Variants in AGBL1 observed in about 807,000 individuals in gnomAD.
AGBL1 encodes cytosolic carboxypeptidase 4.
A neutral mutation model predicts 118.9 loss-of-function variants in AGBL1; 130 were observed. That is an observed-to-expected ratio of 1.09 (90% confidence interval 0.95 to 1.26). The LOEUF (loss-of-function observed/expected upper bound fraction) is 1.26, where lower values mean the gene tolerates loss of function less well. Among genes scored for constraint, AGBL1 ranks in the 50% most tolerant of loss-of-function variants. The probability of loss-of-function intolerance (pLI) is 0.00; values close to 1 mark genes in which losing one functional copy is unlikely to be tolerated. For synonymous variants in AGBL1, 555 were observed against 478.9 expected, an observed-to-expected ratio of 1.16 and a Z score of -2.08; for missense variants, 1,584 against 1,298.1, an observed-to-expected ratio of 1.22 and a Z score of -3.38.
At chr15:86,119,563 G>T (rs1336323788) in intron 1 of AGBL1, among the ~76,000 whole-genome samples, 1 of 152,112 alleles carries the variant, frequency 6.6e-6, no homozygotes, top group Non-Finnish European at 1.5e-5. Context: ...CATCAACTGG[G>T]GCCAGTGGGG....
intron 17 of AGBL1, among the ~76,000 whole-genome samples, chr15:86,318,696 ATTTTTTTTTTT>A (rs57988335): frequency 8.5e-5 from 7 of 81,952 alleles, no homozygotes; most frequent in African/African-American, 1.5e-4. Flanking sequence ...TTGATCATAG[ATTTTTTTTTTT>A]TTTTTTTTTT....
intron 24 of AGBL1, among the ~76,000 whole-genome samples, chr15:87,019,722 C>T (rs1424713342): frequency 6.6e-6 from 1 of 151,790 alleles, no homozygotes; most frequent in Non-Finnish European, 1.5e-5. Flanking sequence ...ACAAGAGGAC[C>T]AAGAGCAAAC....
chr15:86,250,299 C>T (rs976655833), intron 7 of AGBL1, among the ~76,000 whole-genome samples: 12 of 151,548 alleles, frequency 7.9e-5, no homozygotes, highest in East Asian at 2.0e-4. Flanking sequence ...CTGAGGCAGG[C>T]GGATCACCTG....
chr15:86,206,216 T>G (rs1432318338), intron 5 of AGBL1, among the ~76,000 whole-genome samples: 1 of 152,246 alleles, frequency 6.6e-6, no homozygotes, highest in African/African-American at 2.4e-5. Context: ...TCTATCATCA[T>G]TGGACATTTG....
chr15:86,555,187 C>T (rs1257527814), intron 21 of AGBL1, among the ~76,000 whole-genome samples: 3 of 152,168 alleles, frequency 2.0e-5, no homozygotes, highest in Non-Finnish European at 2.9e-5. Flanking sequence ...CTGCTTTTCC[C>T]ACTCCCCCAT....
intron 18 of AGBL1, among the ~76,000 whole-genome samples, chr15:86,471,503 T>G (rs988207591): frequency 6.6e-6 from 1 of 150,850 alleles, no homozygotes; most frequent in African/African-American, 2.4e-5. Context: ...CTATAGTTTT[T>G]TTTTTTTTTT....
At chr15:86,556,331 G>A (rs1472422930) in intron 21 of AGBL1, 4 of 1,497,760 alleles carry the variant, frequency 2.7e-6, no homozygotes, top group Non-Finnish European at 3.7e-6. Flanking sequence ...AATGGCTTTT[G>A]CATTGGGTCA....
intron 22 of AGBL1, among the ~76,000 whole-genome samples, chr15:86,689,647 C>T (rs1273902994): frequency 6.6e-6 from 1 of 151,954 alleles, no homozygotes; most frequent in African/African-American, 2.4e-5. Flanking sequence ...GGGATTTACA[C>T]CCATGGCATT....
chr15:86,386,882 C>A (rs533508991), intron 17 of AGBL1, among the ~76,000 whole-genome samples: 41 of 152,194 alleles, frequency 2.7e-4, no homozygotes, highest in Non-Finnish European at 4.3e-4. Context: ...AATAAATATT[C>A]TTTGAATGAA....
At chr15:87,028,361 A>AACTC (rs2081754682) in intron 24 of AGBL1, among the ~76,000 whole-genome samples, 1 of 151,982 alleles carries the variant, frequency 6.6e-6, no homozygotes, top group Non-Finnish European at 1.5e-5. Context: ...TATAGACTCA[A>AACTC]ACGTGGTTAG....
At chr15:86,264,169 C>G in intron 10 of AGBL1, 89 bp from the exon 11 acceptor site, 1 of 1,112,826 alleles carries the variant, frequency 9.0e-7, no homozygotes, top group South Asian at 1.6e-5. Context: ...ATGCTTAGCT[C>G]TGTGCCCAGA....
rs35370954 is a variant in AGBL1 at position 86,802,279 on chromosome 15, A to AT, written c.3159-104798dup. Among the ~76,000 whole-genome samples the AT allele has an allele frequency of 4.3e-3, 636 of 149,136 alleles. 1 individual carries two copies. The highest frequency in any genetic ancestry group is 0.014 in the African/African-American group (569 of 40,406). ...CCAGATGCTTTCTAATGAGGTTTTC[A>AT]TTTTTTTTTTCAGTTTTCAGTAATT... On this transcript the variant is annotated intron_variant, in intron 22 of 22. Transcript: ENST00000614907.
chr15:87,013,719 C>G (rs28510760), intron 24 of AGBL1, among the ~76,000 whole-genome samples: 1,664 of 152,170 alleles, frequency 0.011, 31 homozygotes, highest in African/African-American at 0.038. Flanking sequence ...TGAGGTTACC[C>G]GACTGAAGAA....
At chr15:86,165,372 C>G (rs1403905722) in intron 5 of AGBL1, among the ~76,000 whole-genome samples, 2 of 152,150 alleles carry the variant, frequency 1.3e-5, no homozygotes, top group African/African-American at 4.8e-5. Flanking sequence ...CTTCTCTTCT[C>G]CCTGCCCCCA....
At chr15:86,475,176 T>G (rs1042779058) in intron 18 of AGBL1, among the ~76,000 whole-genome samples, 2 of 152,006 alleles carry the variant, frequency 1.3e-5, no homozygotes, top group Non-Finnish European at 2.9e-5. Flanking sequence ...CCTCTCCCCC[T>G]CCAAAGGAAC....
chr15:86,636,704 T>C (rs1309335482), intron 21 of AGBL1, among the ~76,000 whole-genome samples: 3 of 4,692 alleles, frequency 6.4e-4, no homozygotes, highest in Non-Finnish European at 1.3e-3. Context: ...CCACCAGTCA[T>C]ATATATATAT....
chr15:86,484,083 A>G (rs7175159), intron 18 of AGBL1, among the ~76,000 whole-genome samples: 11,763 of 152,190 alleles, frequency 0.077, 1,128 homozygotes, highest in African/African-American at 0.23. Context: ...GTGAAGAGCC[A>G]TTCTTTTTCA....
chr15:86,502,918 A>G (rs937935320), intron 18 of AGBL1, among the ~76,000 whole-genome samples: 3 of 151,378 alleles, frequency 2.0e-5, no homozygotes, highest in Non-Finnish European at 4.4e-5. Flanking sequence ...CCCGGCTAAT[A>G]TTGGACTCAC....
At chr15:86,632,445 A>G (rs961890081) in intron 21 of AGBL1, among the ~76,000 whole-genome samples, 5 of 152,066 alleles carry the variant, frequency 3.3e-5, no homozygotes, top group South Asian at 4.2e-4. Flanking sequence ...CTCTGTCTCA[A>G]CAACAAAAAA....
Sources: allele counts gnomAD v4.1 joint callset (sites outside exome capture counted in the v4.1 genomes callset), GRCh38; gene constraint gnomAD v4.1.1; transcripts MANE v1.5; gene names NCBI Gene and HGNC (gene_info 2026-07-23, HGNC 2026-07-21).